IL1RAPL1: variants seen among roughly 807,000 people sequenced by gnomAD.
IL1RAPL1 encodes interleukin 1 receptor accessory protein like 1, also known as interleukin-1 receptor accessory protein-like 1.
In IL1RAPL1, 3 loss-of-function variants were observed where a neutral mutation model predicts 48.4. That is an observed-to-expected ratio of 0.06 (90% confidence interval 0.03 to 0.16). IL1RAPL1 has a LOEUF of 0.16. IL1RAPL1 is among the 10% of genes least tolerant of loss of function. The pLI is 1.00. For synonymous variants in IL1RAPL1, 185 were observed against 187.7 expected (o/e 0.99, Z 0.12); for missense variants, 349 against 530.6 (o/e 0.66, Z 3.36).
At chrX:29,850,858 C>A (rs756719005) in intron 6 of IL1RAPL1, among the ~76,000 whole-genome samples, 1 of 112,292 alleles carries the variant, frequency 8.9e-6, no homozygotes, top group Non-Finnish European at 1.9e-5. Context: ...ACAATAACTT[C>A]ATCTCGAACT....
intron 6 of IL1RAPL1, among the ~76,000 whole-genome samples, chrX:29,851,058 T>C (rs1273624029): frequency 1.8e-5 from 2 of 111,975 alleles, no homozygotes; most frequent in Non-Finnish European, 3.8e-5. Flanking sequence ...TAAGAAAATA[T>C]GCCTTCAAAA....
intron 5 of IL1RAPL1, among the ~76,000 whole-genome samples, chrX:29,619,907 T>A (rs1924410788): frequency 8.9e-6 from 1 of 111,776 alleles, no homozygotes; most frequent in African/African-American, 3.2e-5. Context: ...TTTTGTACAA[T>A]TTTTTGGACA....
chrX:28,958,910 A>C (rs1257024955), intron 2 of IL1RAPL1, among the ~76,000 whole-genome samples: 1 of 111,808 alleles, frequency 8.9e-6, no homozygotes, highest in African/African-American at 3.2e-5. Flanking sequence ...AAGTTTTTCT[A>C]AGTAATTAGA....
At chrX:28,922,463 C>G (rs1923639002) in intron 2 of IL1RAPL1, among the ~76,000 whole-genome samples, 1 of 111,947 alleles carries the variant, frequency 8.9e-6, no homozygotes. Context: ...CACATAAAGT[C>G]TTTTGTTGCT....
At chrX:29,885,642 C>G (rs776485740) in intron 6 of IL1RAPL1, among the ~76,000 whole-genome samples, 2 of 110,990 alleles carry the variant, frequency 1.8e-5, no homozygotes, top group Admixed American at 1.9e-4. Context: ...GAGACCCTGT[C>G]TCTACAAAAA....
intron 1 of IL1RAPL1, among the ~76,000 whole-genome samples, chrX:28,747,018 T>G (rs754884460): frequency 8.1e-5 from 9 of 111,088 alleles, no homozygotes; most frequent in Admixed American, 6.8e-4. Flanking sequence ...AATTATATAT[T>G]CTATATACAT....
At chrX:29,659,714 T>C (rs964007066) in intron 5 of IL1RAPL1, among the ~76,000 whole-genome samples, 2 of 111,767 alleles carry the variant, frequency 1.8e-5, no homozygotes, top group Non-Finnish European at 3.8e-5. Flanking sequence ...AACCTCCGCC[T>C]TCCGGGTTCA....
At chrX:28,831,890 A>G (rs1921067991) in intron 2 of IL1RAPL1, among the ~76,000 whole-genome samples, 1 of 111,405 alleles carries the variant, frequency 9.0e-6, no homozygotes, top group African/African-American at 3.2e-5. Flanking sequence ...AACTTTTTAA[A>G]AAAGCTATTA....
chrX:29,634,200 C>T (rs137856731), intron 5 of IL1RAPL1, among the ~76,000 whole-genome samples: 2 of 111,679 alleles, frequency 1.8e-5, no homozygotes, highest in East Asian at 5.6e-4. Context: ...TCTGGAGATA[C>T]GAGGTACTTC....
chrX:28,618,577 G>A (rs1360542414), intron 1 of IL1RAPL1, among the ~76,000 whole-genome samples: 2 of 111,405 alleles, frequency 1.8e-5, no homozygotes, highest in Non-Finnish European at 3.8e-5. Flanking sequence ...TGACCATCTG[G>A]GTAACAAAAA....
Position 29,771,237 on chromosome X carries a change from C to T in IL1RAPL1, c.778+102733C>T, listed in dbSNP as rs529562258. ...CTGTGTATCATAGATTATAGTATTC[C>T]GTTCACTCAGTTTCCTTTCAACAAT... On this transcript the variant is annotated intron_variant, in intron 6 of 10. Coordinates refer to ENST00000378993, the MANE Select transcript of IL1RAPL1 (RefSeq NM_014271.4). 8.0e-5 allele frequency among the ~76,000 whole-genome samples: 9 copies of T among 111,955 alleles called. No homozygotes were observed. In the South Asian group the frequency reaches 3.3e-3, roughly 41 times the overall value.
chrX:29,359,365 A>G (rs1276162380), intron 3 of IL1RAPL1, among the ~76,000 whole-genome samples: 1 of 111,829 alleles, frequency 8.9e-6, no homozygotes, highest in African/African-American at 3.3e-5. Flanking sequence ...AAATAAAACA[A>G]TAATTATAGC....
chrX:29,610,569 A>G (rs948569291), intron 5 of IL1RAPL1, among the ~76,000 whole-genome samples: 1 of 112,417 alleles, frequency 8.9e-6, no homozygotes, highest in Non-Finnish European at 1.9e-5. Flanking sequence ...AAAAGGATCC[A>G]ATGTATTCTC....
In IL1RAPL1 at chrX:29,860,747, T is replaced by A. The variant is rs1276637954; in HGVS notation, c.779-56717T>A. On this transcript the variant is annotated intron_variant, in intron 6 of 10. Transcript: ENST00000378993. ...GTGTATATGTGCCACATTTTCTTTA[T>A]CCAGTCTATCATTGATGGGCATTTG... Among the ~76,000 whole-genome samples the A allele has an allele frequency of 3.6e-5, 4 of 112,325 alleles. No homozygotes were observed. The Admixed American group carries it at 3.8e-4, about 11-fold the overall frequency.
At chrX:28,753,336 A>G (rs983137057) in intron 1 of IL1RAPL1, among the ~76,000 whole-genome samples, 1 of 112,492 alleles carries the variant, frequency 8.9e-6, no homozygotes, top group Non-Finnish European at 1.9e-5. Flanking sequence ...GATTTAATGA[A>G]TATAGGCTTT....
chrX:28,865,467 T>A (rs1227595698), intron 2 of IL1RAPL1, among the ~76,000 whole-genome samples: 1 of 109,520 alleles, frequency 9.1e-6, no homozygotes, highest in Non-Finnish European at 1.9e-5. Flanking sequence ...AAGAGTTCAG[T>A]TTTAACTGTG....
intron 2 of IL1RAPL1, among the ~76,000 whole-genome samples, chrX:28,921,896 T>G (rs1244506452): frequency 8.9e-6 from 1 of 111,881 alleles, no homozygotes; most frequent in Non-Finnish European, 1.9e-5. Flanking sequence ...ATGTTAACAG[T>G]TTTCCCAAAG....
chrX:29,947,530 T>A (rs149334349), intron 9 of IL1RAPL1, among the ~76,000 whole-genome samples: 1,743 of 111,371 alleles, frequency 0.016, 39 homozygotes, highest in African/African-American at 0.054. Context: ...TTTTTTATAA[T>A]CTCCACCTCC....
In IL1RAPL1 at chrX:29,932,303, T is replaced by C. The variant is rs376405468; in HGVS notation, c.1058-9348T>C. On this transcript the variant is annotated intron_variant, in intron 8 of 10. Coordinates refer to ENST00000378993, the MANE Select transcript of IL1RAPL1 (RefSeq NM_014271.4). Reference sequence around the variant, plus strand: ...TAAAGCTCTGTCTGTGTTAGTAACTTCACAGTATACATTTTGAAAATATAT... The same window carrying C: ...TAAAGCTCTGTCTGTGTTAGTAACTCCACAGTATACATTTTGAAAATATAT... Among the ~76,000 whole-genome samples the C allele has an allele frequency of 2.7e-5, 3 of 112,500 alleles. No individual in the cohort carries two copies. The East Asian group carries it at 8.4e-4, about 32-fold the overall frequency.
Sources: allele counts gnomAD v4.1 joint callset (sites outside exome capture counted in the v4.1 genomes callset), GRCh38; gene constraint gnomAD v4.1.1; transcripts MANE v1.5; gene names NCBI Gene and HGNC (gene_info 2026-07-23, HGNC 2026-07-21).